Variants in CP observed in about 807,000 individuals in gnomAD.
CP encodes the protein ceruloplasmin, also known as caeruloplasmin.
CP carries 64 observed loss-of-function variants against 122.4 expected under a neutral mutation model. The ratio of observed to expected loss-of-function variants is 0.52; its 90% CI spans 0.43 to 0.64. The LOEUF is 0.64. Among genes scored for constraint, CP ranks in the 30% least tolerant of loss-of-function variants. CP has a pLI of 0.00. For missense variants in CP, 1,167 were observed against 1,284.4 expected (o/e 0.91, Z 1.40); for synonymous variants, 440 against 436.4 (o/e 1.01, Z -0.10).
chr3:149,186,292 A>G, intron 11 of CP: 2 of 575,962 alleles, frequency 3.5e-6, no homozygotes, highest in South Asian at 4.0e-5. Flanking sequence ...AGTGGAGAAA[A>G]CCACACCATG....
chr3:149,175,181 C>T (rs1725340061), intron 18 of CP, among the ~76,000 whole-genome samples: 1 of 152,092 alleles, frequency 6.6e-6, no homozygotes, highest in Admixed American at 6.6e-5. Context: ...CATGTAACCA[C>T]ATGGTTGCAA....
chr3:149,208,665 T>C (rs540964222), intron 4 of CP, among the ~76,000 whole-genome samples: 1 of 152,280 alleles, frequency 6.6e-6, no homozygotes, highest in Admixed American at 6.5e-5. Flanking sequence ...ACTAAGCTCA[T>C]TATTTTGTGT....
At chr3:149,200,104 A>T (rs142233007) in intron 7 of CP, 87 of 512,078 alleles carry the variant, frequency 1.7e-4, no homozygotes, top group African/African-American at 1.5e-3. Flanking sequence ...TCATTTTTGT[A>T]CAAGTCAGTT....
At chr3:149,201,109 A>C (rs1727278174) in intron 7 of CP, among the ~76,000 whole-genome samples, 2 of 145,324 alleles carry the variant, frequency 1.4e-5, no homozygotes, top group African/African-American at 2.8e-5. Flanking sequence ...GTAGCCTGGG[A>C]TTGATTGATT....
chr3:149,210,095 T>C, intron 3 of CP, 72 bp downstream of exon 3: 2 of 1,474,966 alleles, frequency 1.4e-6, no homozygotes, highest in Non-Finnish European at 1.9e-6. Context: ...AGACTTGATT[T>C]CTTTTTAAAA....
At chr3:149,172,231 T>C (rs764779503), downstream of CP, 1 of 1,611,314 alleles carries the variant, frequency 6.2e-7, no homozygotes, top group African/African-American at 1.3e-5. Flanking sequence ...AAAGGTATCA[T>C]TTGAAAAATA....
chr3:149,212,381 A>G, intron 2 of CP, 70 bp downstream of exon 2: 1 of 1,571,544 alleles, frequency 6.4e-7, no homozygotes, highest in Non-Finnish European at 8.7e-7. Context: ...AGAAGTCCAC[A>G]ATTTTAGAAG....
intron 6 of CP, among the ~76,000 whole-genome samples, chr3:149,204,640 G>A (rs1297403457): frequency 1.3e-5 from 2 of 152,192 alleles, no homozygotes; most frequent in Non-Finnish European, 2.9e-5. Flanking sequence ...CATTTATTGT[G>A]TGATGTTGGA....
intron 12 of CP, 90 bp from the exon 13 acceptor site, chr3:149,183,695 T>C: frequency 1.1e-6 from 1 of 924,414 alleles, no homozygotes; most frequent in South Asian, 1.6e-5. Flanking sequence ...AAAATATAGT[T>C]TTTATTAGAG....
downstream of CP, among the ~76,000 whole-genome samples, chr3:149,169,538 G>T (rs1187728317): frequency 1.3e-5 from 2 of 152,234 alleles, no homozygotes; most frequent in Non-Finnish European, 2.9e-5. Flanking sequence ...AATTGTCCGT[G>T]TGCGTGGGGG....
At chr3:149,168,150 T>TA, downstream of CP, 1 of 608,094 alleles carries the variant, frequency 1.6e-6, no homozygotes, top group East Asian at 2.8e-5. Context: ...TGACATTTGA[T>TA]ATTGATTTAT....
rs775682773 is a variant in CP at position 149,198,496 on chromosome 3, A to G, written c.1584T>C (p.Thr528=). 1 of 1,614,098 alleles carries G rather than the reference A, an allele frequency of 6.2e-7. No individual in the cohort carries two copies. The highest frequency in any genetic ancestry group is 1.7e-5 in the Admixed American group (1 of 60,024). ...EWTVPKEVGP[T]NADPVCLAKM... ...TAGCTAGACACACAGGATCTGCATT[A>G]GTGGGTCCTACTTCTTTGGGGACAG... Residue 528 remains threonine, a synonymous_variant, in exon 9 of 19, where the codon ACT becomes ACC. Coordinates refer to ENST00000264613, the MANE Select transcript of CP (RefSeq NM_000096.4).
downstream of CP, chr3:149,168,285 C>A: frequency 3.1e-6 from 1 of 324,518 alleles, no homozygotes; most frequent in Non-Finnish European, 5.8e-6. Flanking sequence ...GCAATTACAT[C>A]TTTTATCAAT....
chr3:149,206,054 T>C, intron 6 of CP, 114 bp downstream of exon 6: 1 of 906,380 alleles, frequency 1.1e-6, no homozygotes, highest in Non-Finnish European at 1.7e-6. Flanking sequence ...TTTAGCAGTC[T>C]AGTTACTCAA....
At position 149,197,924 on chromosome 3, in the gene CP, C is replaced by A. The variant is rs537899784; in HGVS notation, c.1713+443G>T. On this transcript the variant is annotated intron_variant, in intron 9 of 18. Transcript: ENST00000264613. ...AACAGGCTCACCTCCTGCTGTGTGG[C>A]CCATGGGGGTGTGTGTGGGGGATGT... is the stretch of plus-strand genomic sequence containing the variant. 8.5e-5 allele frequency among the ~76,000 whole-genome samples: 13 copies of A among 152,240 alleles called. 1 individual carries two copies. The highest frequency in any genetic ancestry group is 3.1e-4 in the African/African-American group (13 of 41,528).
At chr3:149,185,695 C>T (rs1351838219) in intron 11 of CP, among the ~76,000 whole-genome samples, 1 of 152,164 alleles carries the variant, frequency 6.6e-6, no homozygotes, top group Admixed American at 6.5e-5. Context: ...GGTTCACACC[C>T]TCATTTTATT....
At chr3:149,177,626 G>T (rs956998972) in intron 17 of CP, among the ~76,000 whole-genome samples, 1 of 152,134 alleles carries the variant, frequency 6.6e-6, no homozygotes, top group East Asian at 1.9e-4. Context: ...CAGTGCAGCA[G>T]ATCCAAGTTT....
chr3:149,206,448 A>G (rs1727733702), intron 5 of CP, 109 bp from the exon 6 acceptor site: 2 of 1,226,216 alleles, frequency 1.6e-6, no homozygotes, highest in South Asian at 2.5e-5. Flanking sequence ...AGGAATAGAC[A>G]GATAGCAACA....
intron 9 of CP, 131 bp downstream of exon 9, chr3:149,198,236 G>A: frequency 1.5e-6 from 1 of 680,068 alleles, no homozygotes; most frequent in Non-Finnish European, 2.5e-6. Flanking sequence ...CATTTTTAAA[G>A]AAGTCCTTAT....
Sources: gnomAD v4.1 joint callset for allele counts (sites outside exome capture counted in the v4.1 genomes callset) on GRCh38, gnomAD v4.1.1 for gene constraint, MANE v1.5 for transcripts, NCBI Gene and HGNC (gene_info 2026-07-23, HGNC 2026-07-21) for gene names.